Variants in GPR141 observed in about 807,000 individuals in gnomAD.
GPR141 encodes the protein G protein-coupled receptor 141, also known as probable G protein-coupled receptor 141.
In GPR141, 6 loss-of-function variants were observed where a neutral mutation model predicts 6.8. The ratio of observed to expected loss-of-function variants is 0.88; its 90% confidence interval spans 0.48 to 1.74. The LOEUF is 1.74. GPR141 is among the 40% of genes most tolerant of loss of function. The pLI is 0.01. For synonymous variants in GPR141, 140 were observed against 142.3 expected (o/e 0.98, Z 0.11); for missense variants, 372 against 372.9 (o/e 1.00, Z 0.02).
intron 2 of GPR141, among the ~76,000 whole-genome samples, chr7:37,706,547 G>A (rs890473132): frequency 6.6e-6 from 1 of 151,936 alleles, no homozygotes; most frequent in South Asian, 2.1e-4. Context: ...CCCCACCATA[G>A]TTCCTTCCGC....
chr7:37,729,374 G>C (rs929461153), intron 2 of GPR141, among the ~76,000 whole-genome samples: 4 of 152,254 alleles, frequency 2.6e-5, no homozygotes, highest in Non-Finnish European at 4.4e-5. Flanking sequence ...TGAGAGAGCT[G>C]GCTCTGGGTT....
intron 2 of GPR141, among the ~76,000 whole-genome samples, chr7:37,719,909 G>A (rs1393831362): frequency 6.6e-6 from 1 of 152,130 alleles, no homozygotes; most frequent in Non-Finnish European, 1.5e-5. Flanking sequence ...TTAGAAATAA[G>A]GCAAGGATGG....
chr7:37,725,576 A>G (rs940187621), intron 2 of GPR141, among the ~76,000 whole-genome samples: 1 of 152,236 alleles, frequency 6.6e-6, no homozygotes, highest in Non-Finnish European at 1.5e-5. Flanking sequence ...GGCTCAGCTC[A>G]GACGCAATTT....
At chr7:37,729,543 TGAAA>T (rs1373138706) in intron 2 of GPR141, among the ~76,000 whole-genome samples, 2 of 152,200 alleles carry the variant, frequency 1.3e-5, no homozygotes, top group Non-Finnish European at 2.9e-5. Flanking sequence ...ATGCTAGTTT[TGAAA>T]GAAATTCAAA....
At chr7:37,691,565 G>A (rs1809769742) in intron 2 of GPR141, among the ~76,000 whole-genome samples, 1 of 151,950 alleles carries the variant, frequency 6.6e-6, no homozygotes, top group Admixed American at 6.6e-5. Flanking sequence ...ATGATTTTCT[G>A]TAGTATAAAG....
intron 1 of GPR141, among the ~76,000 whole-genome samples, chr7:37,684,576 C>T (rs1178585247): frequency 1.3e-5 from 2 of 152,136 alleles, no homozygotes; most frequent in Non-Finnish European, 2.9e-5. Context: ...GTATTTTCTA[C>T]TTCCAAGAAG....
intron 2 of GPR141, among the ~76,000 whole-genome samples, 164 bp from the exon 3 acceptor site, chr7:37,740,216 T>C (rs899823157): frequency 6.6e-6 from 1 of 152,230 alleles, no homozygotes; most frequent in Non-Finnish European, 1.5e-5. Flanking sequence ...GTTTTAGGTC[T>C]AGGGTATGCA....
At chr7:37,728,286 G>A (rs1811733050) in intron 2 of GPR141, among the ~76,000 whole-genome samples, 1 of 152,166 alleles carries the variant, frequency 6.6e-6, no homozygotes, top group Admixed American at 6.5e-5. Flanking sequence ...TTTAAAAGCG[G>A]TGATGTGTTT....
intron 2 of GPR141, among the ~76,000 whole-genome samples, chr7:37,734,109 G>C (rs2131851363): frequency 6.6e-6 from 1 of 152,146 alleles, no homozygotes; most frequent in African/African-American, 2.4e-5. Flanking sequence ...GGAGATCAAG[G>C]CTGCAGTGAA....
At chr7:37,710,987 C>G (rs1384977723) in intron 2 of GPR141, among the ~76,000 whole-genome samples, 2 of 152,150 alleles carry the variant, frequency 1.3e-5, no homozygotes, top group East Asian at 3.8e-4. Flanking sequence ...CCTTTATACT[C>G]TGCAACATCA....
intron 2 of GPR141, among the ~76,000 whole-genome samples, chr7:37,699,557 A>ACAG (rs1810182900): frequency 6.6e-6 from 1 of 152,118 alleles, no homozygotes; most frequent in Non-Finnish European, 1.5e-5. Flanking sequence ...CGAGACTCCG[A>ACAG]CTCAAAAAAC....
At chr7:37,701,700 C>T (rs1294037020) in intron 2 of GPR141, among the ~76,000 whole-genome samples, 1 of 152,128 alleles carries the variant, frequency 6.6e-6, no homozygotes. Context: ...AGAGTTTTCT[C>T]ATTCAGTGGA....
At chr7:37,684,667 G>A (rs1274392533) in intron 1 of GPR141, among the ~76,000 whole-genome samples, 1 of 152,008 alleles carries the variant, frequency 6.6e-6, no homozygotes, top group Non-Finnish European at 1.5e-5. Flanking sequence ...CTGAATATAG[G>A]CATTTAATTT....
At chr7:37,716,926 T>C (rs1450176) in intron 2 of GPR141, among the ~76,000 whole-genome samples, 118,030 of 152,210 alleles carry the variant, frequency 0.78, 46,289 homozygotes, top group African/African-American at 0.89. Context: ...CCTTTACAGA[T>C]TGGAGATGGA....
At chr7:37,720,099 C>T (rs867733674) in intron 2 of GPR141, among the ~76,000 whole-genome samples, 1 of 151,902 alleles carries the variant, frequency 6.6e-6, no homozygotes, top group South Asian at 2.1e-4. Context: ...GAAAAGGGTT[C>T]CAGGGTGTCG....
At chr7:37,691,065 G>A (rs1809737475) in intron 2 of GPR141, among the ~76,000 whole-genome samples, 1 of 152,044 alleles carries the variant, frequency 6.6e-6, no homozygotes, top group South Asian at 2.1e-4. Flanking sequence ...ATTGTATGAT[G>A]ACCTTCTTTG....
intron 2 of GPR141, among the ~76,000 whole-genome samples, chr7:37,692,346 A>G (rs1583519829): frequency 1.3e-5 from 2 of 152,188 alleles, no homozygotes; most frequent in African/African-American, 4.8e-5. Context: ...TTATGGCTGC[A>G]TAGTATTCCA....
chr7:37,719,335 A>C (rs536157105), intron 2 of GPR141, among the ~76,000 whole-genome samples: 6 of 152,250 alleles, frequency 3.9e-5, no homozygotes, highest in African/African-American at 9.6e-5. Flanking sequence ...ATCTTGTCTG[A>C]CCATCAGACT....
At chr7:37,740,252 T>A in intron 2 of GPR141, 128 bp from the exon 3 acceptor site, 1 of 666,422 alleles carries the variant, frequency 1.5e-6, no homozygotes, top group Non-Finnish European at 2.6e-6. Context: ...TAATCTTCAT[T>A]CTTAAAGCAT....
Sources: gnomAD v4.1 joint callset for allele counts (sites outside exome capture counted in the v4.1 genomes callset) on GRCh38, gnomAD v4.1.1 for gene constraint, MANE v1.5 for transcripts, NCBI Gene and HGNC (gene_info 2026-07-23, HGNC 2026-07-21) for gene names.